The following GNA12 variants were observed in gnomAD, a reference collection of about 807,000 sequenced individuals.
GNA12 encodes G protein subunit alpha 12, also known as guanine nucleotide-binding protein subunit alpha-12.
In GNA12, 9 loss-of-function variants were observed where a neutral mutation model predicts 26.0. That is an observed-to-expected ratio of 0.35 (90% confidence interval 0.21 to 0.60). The LOEUF (loss-of-function observed/expected upper bound fraction) is 0.60, where lower values mean the gene tolerates loss of function less well. Ranked by LOEUF, GNA12 falls within the 20% of genes least tolerant of loss-of-function variation. GNA12 has a pLI of 0.78. For missense variants in GNA12, 405 were observed against 525.8 expected, an observed-to-expected ratio of 0.77 and a Z score of 2.25; for synonymous variants, 264 against 219.6, an observed-to-expected ratio of 1.20 and a Z score of -1.79.
intron 2 of GNA12, among the ~76,000 whole-genome samples, chr7:2,763,971 G>C (rs1358425371): frequency 2.6e-5 from 4 of 152,186 alleles, no homozygotes; most frequent in African/African-American, 9.7e-5. Flanking sequence ...ACACTACAGG[G>C]GCATGAGAAC....
chr7:2,760,025 G>GAAACACA (rs1791483716), intron 2 of GNA12, among the ~76,000 whole-genome samples: 1 of 152,206 alleles, frequency 6.6e-6, no homozygotes, highest in Admixed American at 6.5e-5. Flanking sequence ...AGTTTTAAAA[G>GAAACACA]TATTTTTTAA....
At chr7:2,767,004 T>C (rs756052507) in intron 2 of GNA12, among the ~76,000 whole-genome samples, 34 of 152,246 alleles carry the variant, frequency 2.2e-4, no homozygotes, top group Non-Finnish European at 4.1e-4. Context: ...CTGAGATACT[T>C]TGCATAGGCT....
intron 2 of GNA12, among the ~76,000 whole-genome samples, chr7:2,739,920 G>A (rs938046942): frequency 3.3e-5 from 5 of 152,102 alleles, no homozygotes; most frequent in African/African-American, 4.8e-5. Context: ...TGATCCGCCC[G>A]CCTTGGCCTC....
intron 1 of GNA12, among the ~76,000 whole-genome samples, chr7:2,815,570 G>A (rs1450525228): frequency 1.3e-5 from 2 of 152,216 alleles, no homozygotes; most frequent in Non-Finnish European, 2.9e-5. Context: ...TGATAGCACA[G>A]AGGCTGGGGA....
rs1251593504 is a variant in GNA12, at chr7:2,844,236, G to GGCCGAGGCACCGCCCCACGCCCC, written c.-98_-76dup. On this transcript the variant is annotated 5_prime_UTR_variant, in exon 1 of 4. Coordinates refer to ENST00000275364, the MANE Select transcript of GNA12 (RefSeq NM_007353.3). The stretch of plus-strand genomic sequence containing the variant: ...GCTCCCGCCGGCGAGGGCGAGCCCG[G>GGCCGAGGCACCGCCCCACGCCCC]GCCGAGGCACCGCCCCACGCCCCGC... 28 of 748,812 alleles carry GGCCGAGGCACCGCCCCACGCCCC rather than the reference G, an allele frequency of 3.7e-5. No individual in the cohort carries two copies. The highest frequency in any genetic ancestry group is 4.2e-5 in the Non-Finnish European group (26 of 616,108). The allele number at this position is 748,812 out of a possible 1,614,324, so 46.4% of individuals were successfully genotyped here.
chr7:2,839,970 C>T (rs1562453165), intron 1 of GNA12, among the ~76,000 whole-genome samples: 1 of 152,156 alleles, frequency 6.6e-6, no homozygotes, highest in Non-Finnish European at 1.5e-5. Context: ...TGCACTCCAG[C>T]CTGGGCGACA....
intron 1 of GNA12, chr7:2,815,246 G>A: frequency 3.4e-6 from 1 of 295,884 alleles, no homozygotes; most frequent in Non-Finnish European, 6.4e-6. Flanking sequence ...TACAGTCAAG[G>A]AGGCTGCTTA....
intron 2 of GNA12, among the ~76,000 whole-genome samples, chr7:2,774,577 G>A (rs964843016): frequency 2.0e-5 from 3 of 152,162 alleles, no homozygotes; most frequent in African/African-American, 7.2e-5. Flanking sequence ...GGCTTGCCGA[G>A]GCAAAGGGGG....
intron 2 of GNA12, among the ~76,000 whole-genome samples, chr7:2,744,798 A>T (rs543028909): frequency 6.6e-6 from 1 of 152,204 alleles, no homozygotes; most frequent in South Asian, 2.1e-4. Context: ...GGATAACTAG[A>T]ATAACCAATG....
intron 1 of GNA12, among the ~76,000 whole-genome samples, chr7:2,801,672 T>C (rs1792813107): frequency 6.6e-6 from 1 of 152,062 alleles, no homozygotes; most frequent in African/African-American, 2.4e-5. Flanking sequence ...GTAGTTACAG[T>C]CCATTTTCCC....
At chr7:2,738,881 G>C (rs1790349553) in intron 2 of GNA12, among the ~76,000 whole-genome samples, 1 of 152,162 alleles carries the variant, frequency 6.6e-6, no homozygotes, top group Non-Finnish European at 1.5e-5. Context: ...CAGAGGAGCT[G>C]GCCCCTGACT....
chr7:2,781,403 A>G (rs1792223876), intron 2 of GNA12, among the ~76,000 whole-genome samples: 2 of 91,752 alleles, frequency 2.2e-5, no homozygotes, highest in Admixed American at 1.2e-4. Context: ...TCCATTTCAA[A>G]GTAAGTGTCT....
chr7:2,816,910 T>TC (rs1260934780), intron 1 of GNA12, among the ~76,000 whole-genome samples: 1 of 152,186 alleles, frequency 6.6e-6, no homozygotes, highest in African/African-American at 2.4e-5. Context: ...CCTCCTCTGC[T>TC]CCCATCAAGT....
chr7:2,764,433 G>T (rs1791717147), intron 2 of GNA12, among the ~76,000 whole-genome samples: 2 of 152,104 alleles, frequency 1.3e-5, no homozygotes, highest in African/African-American at 4.8e-5. Context: ...CTGACCAGAG[G>T]AGAGTTGAGA....
At chr7:2,748,187 AGCCTGCATC>A (rs1346924673) in intron 2 of GNA12, among the ~76,000 whole-genome samples, 2 of 151,224 alleles carry the variant, frequency 1.3e-5, no homozygotes, top group Non-Finnish European at 3.0e-5. Flanking sequence ...ACCAAAAAAG[AGCCTGCATC>A]GCCAAGTCAA....
intron 1 of GNA12, among the ~76,000 whole-genome samples, chr7:2,841,300 A>G (rs1298452544): frequency 3.3e-5 from 5 of 152,166 alleles, no homozygotes. Flanking sequence ...CACTTCATAC[A>G]GGGATTTAGA....
At chr7:2,764,963 G>C (rs1349874683) in intron 2 of GNA12, 1 of 152,228 alleles carries the variant, frequency 6.6e-6, no homozygotes, top group African/African-American at 2.4e-5. Flanking sequence ...ATTTTGTACG[G>C]TGGAAAAGTA....
chr7:2,805,701 TA>T (rs1437844836), intron 1 of GNA12, among the ~76,000 whole-genome samples: 1 of 152,220 alleles, frequency 6.6e-6, no homozygotes, highest in Non-Finnish European at 1.5e-5. Flanking sequence ...GAACATTTTT[TA>T]AAAATAGTAA....
chr7:2,737,973 C>T (rs1259072766), intron 2 of GNA12, among the ~76,000 whole-genome samples: 2 of 152,150 alleles, frequency 1.3e-5, no homozygotes, highest in African/African-American at 4.8e-5. Flanking sequence ...TGTGACATCT[C>T]ACAGGGCTGG....
Sources: allele counts gnomAD v4.1 joint callset (sites outside exome capture counted in the v4.1 genomes callset), GRCh38; gene constraint gnomAD v4.1.1; transcripts MANE v1.5; gene names NCBI Gene and HGNC (gene_info 2026-07-23, HGNC 2026-07-21).